The following VCL variants were observed in gnomAD, a reference collection of about 807,000 sequenced individuals.
VCL encodes the protein epididymis luminal protein 114.
VCL carries 47 observed loss-of-function variants against 125.7 expected under a neutral mutation model. The ratio of observed to expected loss-of-function variants is 0.37; its 90% CI spans 0.30 to 0.48. The LOEUF is 0.48. Ranked by LOEUF, VCL falls within the 20% of genes least tolerant of loss-of-function variation. VCL has a pLI of 0.99. For missense variants in VCL, 1,069 were observed against 1,455.5 expected (o/e 0.73, Z 4.32); for synonymous variants, 458 against 514.6 (o/e 0.89, Z 1.49).
intron 2 of VCL, among the ~76,000 whole-genome samples, chr10:74,065,708 A>C (rs1281144805): frequency 6.6e-6 from 1 of 151,874 alleles, no homozygotes; most frequent in Non-Finnish European, 1.5e-5. Context: ...AAAAAAAAGC[A>C]AGTTAAATTC....
At chr10:74,024,589 A>G (rs1840736674) in intron 1 of VCL, among the ~76,000 whole-genome samples, 2 of 150,650 alleles carry the variant, frequency 1.3e-5, no homozygotes, top group Non-Finnish European at 3.0e-5. Context: ...CTAGGCAACA[A>G]GAGCAACGTG....
chr10:74,114,438 C>CGT lies in VCL; in HGVS notation c.3153+64_3153+65dup, dbSNP rs770246060. On this transcript the variant is annotated intron_variant, in intron 20 of 21. Transcript: ENST00000211998. ...GTGTGTGTGTGTGTGTGTGTGTGTG[C>CGT]GTGTGTGTGTGTGTTGGAGGGGAGG... 3.4e-3 allele frequency: 3,630 copies of CGT among 1,077,000 alleles called. 2 individuals carry two copies. The highest frequency in any genetic ancestry group is 4.3e-3 in the Non-Finnish European group (3,339 of 769,896). The allele number at this position is 1,077,000 out of a possible 1,614,324, so 66.7% of individuals were successfully genotyped here. A position where few individuals can be genotyped will look rare whatever the true frequency, so the allele number is the denominator to read the frequency against.
At chr10:74,059,738 T>C (rs948770248) in intron 2 of VCL, among the ~76,000 whole-genome samples, 2 of 152,196 alleles carry the variant, frequency 1.3e-5, no homozygotes, top group Non-Finnish European at 2.9e-5. Flanking sequence ...GATTTGTACT[T>C]GTCTCCTCCT....
At chr10:74,114,097 T>G in intron 19 of VCL, 87 bp from the exon 20 acceptor site, 1 of 1,528,556 alleles carries the variant, frequency 6.5e-7, no homozygotes, top group African/African-American at 1.4e-5. Flanking sequence ...GGTGGCAAGC[T>G]CCCTCCTCTT....
chr10:74,026,445 C>T (rs1353703480), intron 1 of VCL, among the ~76,000 whole-genome samples: 2 of 152,148 alleles, frequency 1.3e-5, no homozygotes, highest in African/African-American at 2.4e-5. Context: ...TCATCTGTGG[C>T]ATGGGATAGT....
rs2270550 is a variant in VCL at position 74,114,434 on chromosome 10, T to C, written c.3153+47T>C. 694,998 of 1,462,984 alleles carry C rather than the reference T, an allele frequency of 0.48. 157,489 individuals are homozygous for C. The highest frequency in any genetic ancestry group is 0.58 in the Middle Eastern group (2,559 of 4,426). The allele number at this position is 1,462,984 out of a possible 1,614,324, so 90.6% of individuals were successfully genotyped here. On this transcript the variant is annotated intron_variant, in intron 20 of 21. Coordinates refer to ENST00000211998, the MANE Select transcript of VCL (RefSeq NM_014000.3). ...GTGTGTGTGTGTGTGTGTGTGTGTG[T>C]GTGCGTGTGTGTGTGTGTTGGAGGG...
At chr10:74,006,924 A>T (rs1343557007) in intron 1 of VCL, among the ~76,000 whole-genome samples, 1 of 152,130 alleles carries the variant, frequency 6.6e-6, no homozygotes, top group East Asian at 1.9e-4. Flanking sequence ...TCATTTATAT[A>T]GTTATGAAGT....
At chr10:74,102,056 A>C (rs1475825924) in intron 14 of VCL, among the ~76,000 whole-genome samples, 1 of 151,564 alleles carries the variant, frequency 6.6e-6, no homozygotes, top group African/African-American at 2.4e-5. Context: ...TAGTAGAGAC[A>C]GGGTTTCTCC....
chr10:74,065,458 C>T (rs1205554580), intron 2 of VCL, among the ~76,000 whole-genome samples: 1 of 152,046 alleles, frequency 6.6e-6, no homozygotes, highest in African/African-American at 2.4e-5. Flanking sequence ...AGGAGTCTGA[C>T]ATGGATGAAT....
intron 1 of VCL, among the ~76,000 whole-genome samples, chr10:74,028,213 C>T (rs757574041): frequency 8.6e-5 from 13 of 151,916 alleles, no homozygotes; most frequent in Non-Finnish European, 1.5e-4. Context: ...GTAGCTAGGA[C>T]TACAGGCAAG....
chr10:74,109,576 C>CT (rs3037358), intron 18 of VCL, among the ~76,000 whole-genome samples: 5 of 147,382 alleles, frequency 3.4e-5, no homozygotes, highest in African/African-American at 1.0e-4. Flanking sequence ...TTTGCATTTT[C>CT]TTTTTTTTTC....
At chr10:74,105,435 C>G in intron 16 of VCL, 82 bp downstream of exon 16, 1 of 1,560,812 alleles carries the variant, frequency 6.4e-7, no homozygotes, top group Non-Finnish European at 8.8e-7. Flanking sequence ...TACCCCACAA[C>G]CACCACATAC....
intron 2 of VCL, among the ~76,000 whole-genome samples, chr10:74,046,835 A>T (rs1841203897): frequency 6.6e-6 from 1 of 152,238 alleles, no homozygotes; most frequent in South Asian, 2.1e-4. Flanking sequence ...ATCCCCAGAG[A>T]CATATTCTGA....
rs777617736 is a variant in VCL, at chr10:74,082,557, T to C, written c.874+13T>C. ...AGTGCCTCCCCAGGTAACCCTCTAG[T>C]TCTGCTTTTCTGATCAATACAACGA... On this transcript the variant is annotated intron_variant, in intron 7 of 21. Coordinates refer to ENST00000211998, the MANE Select transcript of VCL (RefSeq NM_014000.3). 58 of 1,613,252 alleles carry C rather than the reference T, an allele frequency of 3.6e-5. 1 individual carries two copies. In the Middle Eastern group the frequency reaches 3.8e-3, roughly 106 times the overall value.
intron 1 of VCL, among the ~76,000 whole-genome samples, chr10:74,029,583 G>A (rs1326959732): frequency 6.6e-6 from 1 of 152,196 alleles, no homozygotes; most frequent in Admixed American, 6.5e-5. Flanking sequence ...TGCTGCCAAG[G>A]AAGCTTAACA....
intron 1 of VCL, among the ~76,000 whole-genome samples, chr10:74,015,710 A>T (rs573120163): frequency 2.0e-5 from 3 of 150,794 alleles, no homozygotes; most frequent in Admixed American, 1.3e-4. Flanking sequence ...TTTGAGAGGA[A>T]GTCTCACTCT....
intron 21 of VCL, among the ~76,000 whole-genome samples, chr10:74,117,211 A>G (rs922152601): frequency 6.6e-6 from 1 of 152,172 alleles, no homozygotes; most frequent in Non-Finnish European, 1.5e-5. Context: ...CATCCTAAAT[A>G]CTGGGGGTAT....
At position 74,118,395 on chromosome 10, in the gene VCL, C is replaced by T; in HGVS notation, c.*226C>T. On this transcript the variant is annotated 3_prime_UTR_variant, in exon 22 of 22. Transcript: ENST00000211998. ...AAGCCTGTATTCTCAAACACAGTTACACTTGTGCACCCTCTATCCCAATAG... is the reference window on the plus strand; with the variant it reads ...AAGCCTGTATTCTCAAACACAGTTATACTTGTGCACCCTCTATCCCAATAG... The T allele has an allele frequency of 5.1e-6, 3 of 591,480 alleles. No individual in the cohort carries two copies. The highest frequency in any genetic ancestry group is 9.0e-6 in the Non-Finnish European group (3 of 333,916). The allele number at this position is 591,480 out of a possible 1,614,324, so 36.6% of individuals were successfully genotyped here. A position where few individuals can be genotyped will look rare whatever the true frequency, so the allele number is the denominator to read the frequency against.
chr10:74,066,291 T>C (rs191274996), intron 2 of VCL, among the ~76,000 whole-genome samples: 4 of 152,076 alleles, frequency 2.6e-5, no homozygotes. Flanking sequence ...ACTCCCGACC[T>C]CAGGTGATCT....
Sources: gnomAD v4.1 joint callset for allele counts (sites outside exome capture counted in the v4.1 genomes callset) on GRCh38, gnomAD v4.1.1 for gene constraint, MANE v1.5 for transcripts, NCBI Gene and HGNC (gene_info 2026-07-23, HGNC 2026-07-21) for gene names.